The following IP6K2 variants were observed in gnomAD, a reference collection of about 807,000 sequenced individuals.
The protein encoded by IP6K2 is ATP:1D-myo-inositol-hexakisphosphate phosphotransferase.
Under a neutral mutation model 43.3 loss-of-function variants are expected in IP6K2, and 9 were observed. The observed-to-expected ratio is 0.21, with a 90% CI of 0.13 to 0.36. The LOEUF (loss-of-function observed/expected upper bound fraction) is 0.36, where lower values mean the gene tolerates loss of function less well. Among genes scored for constraint, IP6K2 ranks in the 10% least tolerant of loss-of-function variants. IP6K2 has a pLI of 1.00. For missense variants in IP6K2, 332 were observed against 538.4 expected (o/e 0.62, Z 3.79); for synonymous variants, 209 against 202.4 (o/e 1.03, Z -0.28).
intron 4 of IP6K2, among the ~76,000 whole-genome samples, chr3:48,690,512 G>T (rs2077674733): frequency 6.6e-6 from 1 of 151,990 alleles, no homozygotes; most frequent in South Asian, 2.1e-4. Flanking sequence ...GAAGAGGGCT[G>T]GGCGTGGTGG....
intron 1 of IP6K2, among the ~76,000 whole-genome samples, chr3:48,703,902 C>T (rs2079371271): frequency 1.3e-5 from 2 of 151,816 alleles, no homozygotes; most frequent in African/African-American, 4.8e-5. Flanking sequence ...ACCAGCCTAG[C>T]CAACGTGGTG....
At chr3:48,692,287 A>G (rs1388234348) in intron 3 of IP6K2, among the ~76,000 whole-genome samples, 2 of 152,210 alleles carry the variant, frequency 1.3e-5, no homozygotes, top group Non-Finnish European at 1.5e-5. Flanking sequence ...TTAAGGGACC[A>G]GTCAACCACT....
chr3:48,703,601 C>T (rs538839150), intron 1 of IP6K2, among the ~76,000 whole-genome samples: 28 of 151,348 alleles, frequency 1.9e-4, no homozygotes, highest in Non-Finnish European at 3.1e-4. Flanking sequence ...CCTATAGTCC[C>T]AGCAACTCAG....
intron 1 of IP6K2, among the ~76,000 whole-genome samples, chr3:48,711,981 C>A (rs760697176): frequency 6.6e-6 from 1 of 152,112 alleles, no homozygotes; most frequent in Non-Finnish European, 1.5e-5. Context: ...ATGGCACAGT[C>A]CACAGACACC....
chr3:48,707,834 G>A (rs2079993698), intron 1 of IP6K2, among the ~76,000 whole-genome samples: 1 of 152,166 alleles, frequency 6.6e-6, no homozygotes, highest in African/African-American at 2.4e-5. Flanking sequence ...ACAGCAGATT[G>A]TTCCAAAAAT....
intron 1 of IP6K2, chr3:48,711,501 A>G (rs1283279848): frequency 1.3e-5 from 2 of 152,232 alleles, no homozygotes; most frequent in African/African-American, 4.8e-5. Flanking sequence ...GCTCAGATAC[A>G]AACACAAAGC....
intron 5 of IP6K2, 85 bp downstream of exon 5, chr3:48,689,453 G>A: frequency 7.0e-7 from 1 of 1,419,112 alleles, no homozygotes; most frequent in East Asian, 2.3e-5. Context: ...CACCTGGCCT[G>A]GAATCTTTTG....
intron 1 of IP6K2, chr3:48,715,267 C>A (rs2081066127): frequency 6.5e-7 from 1 of 1,534,906 alleles, no homozygotes; most frequent in Non-Finnish European, 8.7e-7. Flanking sequence ...AGGGAAAATT[C>A]TTCCCCAGTG....
At chr3:48,694,811 T>C (rs2078137444) in intron 2 of IP6K2, 2 of 1,536,232 alleles carry the variant, frequency 1.3e-6, no homozygotes, top group Non-Finnish European at 1.7e-6. Context: ...TGGGTTACTG[T>C]GATCAAGAGA....
At chr3:48,707,863 T>A (rs1701150297) in intron 1 of IP6K2, among the ~76,000 whole-genome samples, 1 of 152,156 alleles carries the variant, frequency 6.6e-6, no homozygotes, top group African/African-American at 2.4e-5. Flanking sequence ...ATCTCAGGTT[T>A]TCCATAAGGG....
intron 1 of IP6K2, among the ~76,000 whole-genome samples, chr3:48,713,889 G>A (rs2080851225): frequency 6.6e-6 from 1 of 152,036 alleles, no homozygotes. Flanking sequence ...GGCCGAGGTG[G>A]GTGGATCACC....
chr3:48,694,382 G>T (rs2078078385), intron 2 of IP6K2: 1 of 1,543,996 alleles, frequency 6.5e-7, no homozygotes, highest in Non-Finnish European at 8.8e-7. Flanking sequence ...AGTCCCAAAA[G>T]AACCTAAGTT....
At position 48,688,272 on chromosome 3, in the gene IP6K2, C is replaced by T. The variant is rs1229992554; in HGVS notation, c.*1G>A. On this transcript the variant is annotated 3_prime_UTR_variant, in exon 6 of 6. Coordinates refer to ENST00000328631, the MANE Select transcript of IP6K2 (RefSeq NM_016291.4). The surrounding 1 kb of genome is among the most constrained non-coding windows in gnomAD (Gnocchi z 5.1). Reference sequence around the variant, plus strand: ...CTCAAGTACTGGAGCAGCTAGCAAGCTCACTCCCCACTCTCCTCACTTATC... The same window carrying T: ...CTCAAGTACTGGAGCAGCTAGCAAGTTCACTCCCCACTCTCCTCACTTATC... The T allele has an allele frequency of 6.2e-7, 1 of 1,611,860 alleles. No individual in the cohort carries two copies. Among genetic ancestry groups the T allele is most frequent in the African/African-American group, 1.3e-5 (1 of 74,904 alleles).
intron 2 of IP6K2, chr3:48,693,918 A>C: frequency 7.7e-7 from 1 of 1,305,112 alleles, no homozygotes; most frequent in Non-Finnish European, 9.7e-7. Flanking sequence ...ACCTGCCATG[A>C]GTAATTAAGA....
chr3:48,698,056 G>A (rs959147411), intron 1 of IP6K2, among the ~76,000 whole-genome samples: 1 of 152,118 alleles, frequency 6.6e-6, no homozygotes, highest in Non-Finnish European at 1.5e-5. Context: ...AGGAAGGCAC[G>A]TATTGAGAAG....
At chr3:48,701,949 A>G (rs146172630) in intron 1 of IP6K2, among the ~76,000 whole-genome samples, 3 of 152,234 alleles carry the variant, frequency 2.0e-5, no homozygotes, top group Admixed American at 1.3e-4. Context: ...TAGTTTCTAC[A>G]TACAAACTCA....
Position 48,688,118 on chromosome 3 carries a change from G to A in IP6K2, c.*155C>T, listed in dbSNP as rs1332847965. On this transcript the variant is annotated 3_prime_UTR_variant, in exon 6 of 6. Coordinates refer to ENST00000328631, the MANE Select transcript of IP6K2 (RefSeq NM_016291.4). The surrounding 1 kb of genome is among the most constrained non-coding windows in gnomAD (Gnocchi z 5.1). ...AAAATAAATAAAGACTCCAAGCACA[G>A]CTGGGACTGGCTCAGGCTGGGGCTC... The A allele has an allele frequency of 4.1e-6, 3 of 725,796 alleles. No homozygotes were observed. Among genetic ancestry groups the A allele is most frequent in the East Asian group, 2.5e-5 (1 of 40,404 alleles). 45.0% of individuals were successfully genotyped at this position (725,796 alleles called of 1,614,324 possible). A position where few individuals can be genotyped will look rare whatever the true frequency, so the allele number is the denominator to read the frequency against.
intron 1 of IP6K2, among the ~76,000 whole-genome samples, chr3:48,709,427 G>A (rs907119227): frequency 6.6e-6 from 1 of 152,204 alleles, no homozygotes; most frequent in Non-Finnish European, 1.5e-5. Context: ...ACTACTCCAG[G>A]TTCGTGGCAG....
chr3:48,709,044 G>A lies in IP6K2; in HGVS notation c.-131+8113C>T, dbSNP rs114894377. Among the ~76,000 whole-genome samples the A allele has an allele frequency of 6.1e-3, 931 of 152,290 alleles. 10 individuals are homozygous for A. The highest frequency in any genetic ancestry group is 0.021 in the African/African-American group (888 of 41,548). On this transcript the variant is annotated intron_variant, in intron 1 of 5. Transcript: ENST00000328631. ...AGATTGTACCACCATACTCCAGCCC[G>A]GTGACAGAGCGAGACACTGTCTCAA...
Sources: gnomAD v4.1 joint callset for allele counts (sites outside exome capture counted in the v4.1 genomes callset) on GRCh38, gnomAD v4.1.1 for gene constraint, Gnocchi (gnomAD v3.1) non-coding constraint, MANE v1.5 for transcripts, NCBI Gene and HGNC (gene_info 2026-07-23, HGNC 2026-07-21) for gene names.